The following RXFP2 variants were observed in gnomAD, a reference collection of about 807,000 sequenced individuals.
The protein encoded by RXFP2 is relaxin family peptide receptor 2, also known as relaxin receptor 2.
Under a neutral mutation model 88.6 loss-of-function variants are expected in RXFP2, and 68 were observed. The observed-to-expected ratio is 0.77, with a 90% CI of 0.63 to 0.94. RXFP2 has a LOEUF of 0.94. Among genes scored for constraint, RXFP2 ranks in the 40% least tolerant of loss-of-function variants. The pLI is 0.00. For missense variants in RXFP2, 791 were observed against 893.9 expected (o/e 0.88, Z 1.47); for synonymous variants, 329 against 306.8 (o/e 1.07, Z -0.76).
intron 1 of RXFP2, among the ~76,000 whole-genome samples, chr13:31,755,526 G>A (rs1174613423): frequency 2.0e-5 from 3 of 151,920 alleles, no homozygotes; most frequent in African/African-American, 7.3e-5. Context: ...ATTTCTAACT[G>A]CAAATTACTG....
rs1180267943 is a variant in RXFP2, at chr13:31,797,141, A to G, written c.1787-60A>G. ...GGGTAAGGGATACTCAACCTGTACC[A>G]CAGTAATTTTACTGTTGACTTTTAC... On this transcript the variant is annotated intron_variant, in intron 16 of 17. Coordinates refer to ENST00000298386, the MANE Select transcript of RXFP2 (RefSeq NM_130806.5). 1.1e-5 allele frequency: 13 copies of G among 1,179,220 alleles called. 1 individual carries two copies. Among genetic ancestry groups the G allele is most frequent in the East Asian group, 2.3e-5 (1 of 42,842 alleles). The allele number at this position is 1,179,220 out of a possible 1,614,324, so 73.0% of individuals were successfully genotyped here.
At chr13:31,783,950 G>A (rs1444379022) in intron 11 of RXFP2, among the ~76,000 whole-genome samples, 1 of 150,626 alleles carries the variant, frequency 6.6e-6, no homozygotes, top group Non-Finnish European at 1.5e-5. Flanking sequence ...CTGAGTAGTT[G>A]GGATTCCAGG....
At chr13:31,793,166 T>G in intron 16 of RXFP2, 78 bp downstream of exon 16, 1 of 1,318,108 alleles carries the variant, frequency 7.6e-7, no homozygotes, top group Non-Finnish European at 1.1e-6. Flanking sequence ...GGTGGATTTG[T>G]TTGTTTCAGA....
intron 5 of RXFP2, among the ~76,000 whole-genome samples, chr13:31,768,474 G>A (rs17076642): frequency 0.023 from 3,455 of 152,220 alleles, 108 homozygotes; most frequent in African/African-American, 0.063. Context: ...GGCAGACACC[G>A]TTACAGCAGT....
intron 5 of RXFP2, among the ~76,000 whole-genome samples, chr13:31,772,226 T>G (rs1872760579): frequency 6.6e-6 from 1 of 152,202 alleles, no homozygotes; most frequent in South Asian, 2.1e-4. Context: ...AAACCTTTTA[T>G]AAATTAGGAA....
chr13:31,794,416 A>G (rs1489226994), intron 16 of RXFP2, among the ~76,000 whole-genome samples: 2 of 148,922 alleles, frequency 1.3e-5, no homozygotes, highest in African/African-American at 5.0e-5. Context: ...ACACCATGAC[A>G]TGCATTGTTC....
intron 1 of RXFP2, among the ~76,000 whole-genome samples, chr13:31,750,130 G>T (rs1871599203): frequency 6.6e-6 from 1 of 152,130 alleles, no homozygotes; most frequent in South Asian, 2.1e-4. Context: ...AAATATTTGT[G>T]AGTCACAGAA....
intron 15 of RXFP2, 110 bp downstream of exon 15, chr13:31,792,145 A>G: frequency 1.2e-6 from 1 of 816,168 alleles, no homozygotes; most frequent in Non-Finnish European, 1.9e-6. Context: ...TGTGAATTAT[A>G]CATCCTGGGC....
intron 17 of RXFP2, among the ~76,000 whole-genome samples, chr13:31,800,108 A>G (rs1593475910): frequency 6.6e-6 from 1 of 152,330 alleles, no homozygotes; most frequent in African/African-American, 2.4e-5. Flanking sequence ...ATCACAGTTG[A>G]CAAAGCTTCT....
intron 3 of RXFP2, 119 bp from the exon 4 acceptor site, chr13:31,764,918 A>G: frequency 1.5e-6 from 1 of 673,710 alleles, no homozygotes; most frequent in Non-Finnish European, 2.7e-6. Flanking sequence ...GAATGAGTTC[A>G]TTTAACAGAT....
At position 31,802,310 on chromosome 13, in the gene RXFP2, A is replaced by C; in HGVS notation, c.2170A>C (p.Thr724Pro). The C allele has an allele frequency of 6.2e-7, 1 of 1,612,800 alleles. No homozygotes were observed. Among genetic ancestry groups the C allele is most frequent in the Admixed American group, 1.7e-5 (1 of 60,004 alleles). ...CAAAATTAAAAAAAAAAGTTTATCTACATCCATTGTGTGGATAGAGGACTC... is the reference window on the plus strand; with the variant it reads ...CAAAATTAAAAAAAAAAGTTTATCTCCATCCATTGTGTGGATAGAGGACTC... ...IFKIKKKSLSTSIVWIEDSSS... is the reference protein window; with the variant it reads ...IFKIKKKSLSPSIVWIEDSSS... The change falls in exon 18 of 18, where the codon ACA becomes CCA. Residue 724 changes from threonine (T) to proline (P), a missense_variant. Coordinates refer to ENST00000298386, the MANE Select transcript of RXFP2 (RefSeq NM_130806.5).
chr13:31,791,189 CACAA>C (rs1873773722), intron 14 of RXFP2, among the ~76,000 whole-genome samples: 1 of 152,134 alleles, frequency 6.6e-6, no homozygotes, highest in Admixed American at 6.5e-5. Flanking sequence ...GCCCACTGAC[CACAA>C]ACAAACTTAT....
chr13:31,757,281 G>A (rs1872000703), intron 1 of RXFP2, among the ~76,000 whole-genome samples: 1 of 152,156 alleles, frequency 6.6e-6, no homozygotes. Flanking sequence ...TGGGGTCAGA[G>A]GGAGGATTCA....
chr13:31,802,212 A>G lies in RXFP2; in HGVS notation c.2072A>G (p.Tyr691Cys). The change falls in exon 18 of 18, where the codon TAT (tyrosine) becomes TGT (cysteine). Residue 691 changes from tyrosine (Y) to cysteine (C), a missense_variant. Coordinates refer to ENST00000298386, the MANE Select transcript of RXFP2 (RefSeq NM_130806.5). ...AACAGTGCTTTGAATCCAATCCTCT[A>G]TACTCTCACAACCAACTTTTTTAAG... ...PVNSALNPIL[Y>C]TLTTNFFKDK... 1.2e-6 allele frequency: 2 copies of G among 1,613,730 alleles called. No individual in the cohort carries two copies. The highest frequency in any genetic ancestry group is 1.7e-6 in the Non-Finnish European group (2 of 1,179,732).
At chr13:31,752,126 G>C (rs1293472956) in intron 1 of RXFP2, among the ~76,000 whole-genome samples, 1 of 152,210 alleles carries the variant, frequency 6.6e-6, no homozygotes, top group Non-Finnish European at 1.5e-5. Context: ...TGGTAAGGAT[G>C]AGGTTGGCAG....
At chr13:31,759,116 C>A (rs534083951) in intron 2 of RXFP2, among the ~76,000 whole-genome samples, 1 of 151,472 alleles carries the variant, frequency 6.6e-6, no homozygotes, top group Non-Finnish European at 1.5e-5. Flanking sequence ...CAGACCTATA[C>A]TGAGTGCCTG....
At chr13:31,765,298 GA>G (rs1423965093) in intron 4 of RXFP2, among the ~76,000 whole-genome samples, 156 bp downstream of exon 4, 1 of 152,074 alleles carries the variant, frequency 6.6e-6, no homozygotes, top group African/African-American at 2.4e-5. Flanking sequence ...TATTCAGGGG[GA>G]AAAAATGGTT....
chr13:31,798,919 C>A (rs1194645603), intron 17 of RXFP2, among the ~76,000 whole-genome samples: 1 of 152,162 alleles, frequency 6.6e-6, no homozygotes, highest in Admixed American at 6.5e-5. Context: ...TCTTCTCACC[C>A]CACTTTCATG....
At chr13:31,763,403 A>G (rs944111667) in intron 3 of RXFP2, among the ~76,000 whole-genome samples, 4 of 152,080 alleles carry the variant, frequency 2.6e-5, no homozygotes, top group African/African-American at 9.7e-5. Flanking sequence ...ACTTTTGGTC[A>G]TCCTGATGGA....
Sources: gnomAD v4.1 joint callset for allele counts (sites outside exome capture counted in the v4.1 genomes callset) on GRCh38, gnomAD v4.1.1 for gene constraint, MANE v1.5 for transcripts, NCBI Gene and HGNC (gene_info 2026-07-23, HGNC 2026-07-21) for gene names.